Variants in SDK1 observed in about 807,000 individuals in gnomAD.
The protein encoded by SDK1 is protein sidekick-1.
In SDK1, 157 loss-of-function variants were observed where a neutral mutation model predicts 245.5. The ratio of observed to expected loss-of-function variants is 0.64; its 90% confidence interval spans 0.56 to 0.73. The LOEUF is 0.73. SDK1 is among the 30% of genes least tolerant of loss of function. SDK1 has a pLI of 0.00. For synonymous variants in SDK1, 1,647 were observed against 1,278.5 expected (o/e 1.29, Z -6.15); for missense variants, 3,583 against 3,002.3 (o/e 1.19, Z -4.52).
At chr7:4,146,570 T>A (rs1358110643) in intron 29 of SDK1, among the ~76,000 whole-genome samples, 1 of 152,348 alleles carries the variant, frequency 6.6e-6, no homozygotes, top group East Asian at 1.9e-4. Context: ...GAAAGCAACA[T>A]TGCTCGCAGA....
In SDK1 at chr7:3,749,653, A is replaced by G. The variant is rs114175509; in HGVS notation, c.714-71797A>G. On this transcript the variant is annotated intron_variant, in intron 4 of 44. Transcript: ENST00000404826. ...AAGTAATCAAAGTTCTGATACAAGG[A>G]TAGAAGTGACTGCTGCCCTTCAGCC... Among the ~76,000 whole-genome samples, 880 of 152,284 alleles carry G rather than the reference A, an allele frequency of 5.8e-3. 7 individuals are homozygous for G. The highest frequency in any genetic ancestry group is 0.02 in the African/African-American group (823 of 41,548).
At chr7:3,959,547 C>T (rs769895338) in intron 8 of SDK1, among the ~76,000 whole-genome samples, 11 of 152,128 alleles carry the variant, frequency 7.2e-5, no homozygotes, top group African/African-American at 2.4e-4. Context: ...ACCCTGTACC[C>T]GTTAAGTAAT....
intron 2 of SDK1, 101 bp from the exon 3 acceptor site, chr7:3,638,903 G>T (rs1782558186): frequency 6.7e-6 from 4 of 599,638 alleles, no homozygotes; most frequent in Non-Finnish European, 8.9e-6. Context: ...GCATATACTA[G>T]ATGAGATGCC....
At chr7:3,884,799 T>A (rs1781298273) in intron 5 of SDK1, among the ~76,000 whole-genome samples, 2 of 152,168 alleles carry the variant, frequency 1.3e-5, no homozygotes, top group Admixed American at 6.5e-5. Context: ...TTCCAACTTG[T>A]GAAGGACAAG....
At chr7:3,948,676 C>T (rs898387557) in intron 5 of SDK1, among the ~76,000 whole-genome samples, 2 of 152,204 alleles carry the variant, frequency 1.3e-5, no homozygotes, top group Admixed American at 1.3e-4. Flanking sequence ...GCACTTGGCC[C>T]TGCGGGGCTG....
intron 22 of SDK1, among the ~76,000 whole-genome samples, chr7:4,091,679 G>A (rs1781812467): frequency 6.6e-6 from 1 of 152,054 alleles, no homozygotes; most frequent in African/African-American, 2.4e-5. Context: ...TGAATGAGCA[G>A]GCATCTCTTT....
intron 4 of SDK1, among the ~76,000 whole-genome samples, chr7:3,672,642 T>A (rs553354336): frequency 0.021 from 2,909 of 140,092 alleles, 58 homozygotes; most frequent in Middle Eastern, 0.041. Context: ...ATATTAAATA[T>A]ATATTAAATA....
At chr7:3,409,744 A>G (rs150837116) in intron 1 of SDK1, among the ~76,000 whole-genome samples, 1 of 151,960 alleles carries the variant, frequency 6.6e-6, no homozygotes, top group African/African-American at 2.4e-5. Flanking sequence ...TGAGAGGAGA[A>G]CCACGCTTTG....
intron 1 of SDK1, among the ~76,000 whole-genome samples, chr7:3,403,308 A>G (rs923703938): frequency 6.6e-6 from 1 of 152,118 alleles, no homozygotes. Flanking sequence ...TTGTAATTTC[A>G]TTTCATTTTA....
At chr7:3,752,683 A>G (rs1470321820) in intron 4 of SDK1, among the ~76,000 whole-genome samples, 1 of 152,094 alleles carries the variant, frequency 6.6e-6, no homozygotes, top group African/African-American at 2.4e-5. Flanking sequence ...CTAACCCTCA[A>G]TTCTTAAAAC....
intron 4 of SDK1, among the ~76,000 whole-genome samples, chr7:3,761,259 CCT>C (rs1491310370): frequency 1.2e-4 from 12 of 97,530 alleles, no homozygotes; most frequent in African/African-American, 5.9e-4. Context: ...AGCCCCCCCT[CCT>C]TTTTTTTTTT....
chr7:3,619,533 A>G (rs1302047773), intron 2 of SDK1, among the ~76,000 whole-genome samples: 1 of 152,230 alleles, frequency 6.6e-6, no homozygotes, highest in African/African-American at 2.4e-5. Context: ...CTTTGGTATG[A>G]TACATTTACT....
At chr7:3,350,851 T>TC (rs1780641172) in intron 1 of SDK1, among the ~76,000 whole-genome samples, 1 of 152,112 alleles carries the variant, frequency 6.6e-6, no homozygotes, top group South Asian at 2.1e-4. Flanking sequence ...AATAGTTTTT[T>TC]CCCCCCATTA....
At chr7:4,133,230 A>T (rs1478333294) in intron 28 of SDK1, among the ~76,000 whole-genome samples, 1 of 152,180 alleles carries the variant, frequency 6.6e-6, no homozygotes, top group Non-Finnish European at 1.5e-5. Context: ...CAGCATACCA[A>T]CTCTGGTAAC....
At chr7:4,010,091 C>A (rs1785816421) in intron 14 of SDK1, among the ~76,000 whole-genome samples, 1 of 152,214 alleles carries the variant, frequency 6.6e-6, no homozygotes, top group South Asian at 2.1e-4. Context: ...GTCAGCGAGA[C>A]AGCTCGATTT....
chr7:3,894,101 C>A (rs1056547162), intron 5 of SDK1, among the ~76,000 whole-genome samples: 3 of 152,188 alleles, frequency 2.0e-5, no homozygotes, highest in Non-Finnish European at 4.4e-5. Context: ...TTAAGTACTT[C>A]ATGCTTGAAG....
intron 1 of SDK1, among the ~76,000 whole-genome samples, chr7:3,519,036 A>G (rs1279744699): frequency 6.6e-6 from 1 of 152,184 alleles, no homozygotes; most frequent in Admixed American, 6.6e-5. Flanking sequence ...TTCTTGAAAT[A>G]AGCCAGGAAC....
In SDK1 at chr7:3,407,314, G is replaced by T. The variant is rs143270898; in HGVS notation, c.298+105430G>T. ...CCAATGTTGTGTTCCTTCAGGGGCT[G>T]ATTGAAAACAGAGCTTTCACAAGGT... is the stretch of plus-strand genomic sequence containing the variant. On this transcript the variant is annotated intron_variant, in intron 1 of 44. Coordinates refer to ENST00000404826, the MANE Select transcript of SDK1 (RefSeq NM_152744.4). 1.9e-3 allele frequency among the ~76,000 whole-genome samples: 286 copies of T among 152,302 alleles called. 1 individual carries two copies. Among genetic ancestry groups the T allele is most frequent in the African/African-American group, 6.4e-3 (264 of 41,570 alleles).
chr7:4,145,011 C>T (rs1031257260), intron 28 of SDK1, among the ~76,000 whole-genome samples: 29 of 152,284 alleles, frequency 1.9e-4, no homozygotes, highest in Middle Eastern at 3.4e-3. Context: ...AGGCCTGGGG[C>T]GGCCAGTGGA....
Sources: gnomAD v4.1 joint callset for allele counts (sites outside exome capture counted in the v4.1 genomes callset) on GRCh38, gnomAD v4.1.1 for gene constraint, MANE v1.5 for transcripts, NCBI Gene and HGNC (gene_info 2026-07-23, HGNC 2026-07-21) for gene names.